JMJD1C: variants seen among roughly 807,000 people sequenced by gnomAD.
The protein encoded by JMJD1C is jumonji domain containing 1C.
JMJD1C carries 31 observed loss-of-function variants against 245.3 expected under a neutral mutation model. The ratio of observed to expected loss-of-function variants is 0.13; its 90% CI spans 0.09 to 0.17. The LOEUF is 0.17. Ranked by LOEUF, JMJD1C falls within the 10% of genes least tolerant of loss-of-function variation. The pLI, the probability that JMJD1C is intolerant of heterozygous loss-of-function variation, is 1.00. For synonymous variants in JMJD1C, 1,057 were observed against 1,017.4 expected, an observed-to-expected ratio of 1.04 and a Z score of -0.74; for missense variants, 2,691 against 3,000.2, an observed-to-expected ratio of 0.90 and a Z score of 2.41.
intron 2 of JMJD1C, among the ~76,000 whole-genome samples, chr10:63,277,731 C>CTTTTTTTTTTTTTTTTTTTTTTTTTTTT (rs35442695): frequency 1.6e-5 from 1 of 64,274 alleles, no homozygotes; most frequent in Non-Finnish European, 2.6e-5. Flanking sequence ...ATTTGCATTT[C>CTTTTTTTTTTTTTTTTTTTTTTTTTTTT]TTTTTTTTTT....
chr10:63,380,591 G>A (rs1288098728), intron 1 of JMJD1C, 109 bp from the exon 2 acceptor site: 1 of 750,646 alleles, frequency 1.3e-6, no homozygotes, highest in Non-Finnish European at 2.1e-6. Flanking sequence ...ATGATATCGT[G>A]ATACATGCAC....
chr10:63,203,521 C>G (rs1846256674), intron 10 of JMJD1C: 1 of 975,704 alleles, frequency 1.0e-6, no homozygotes. Flanking sequence ...TAACTGTGAT[C>G]ATAAACCACT....
At chr10:63,306,091 TA>T in intron 2 of JMJD1C, among the ~76,000 whole-genome samples, 1 of 151,978 alleles carries the variant, frequency 6.6e-6, no homozygotes, top group African/African-American at 2.4e-5. Context: ...TTTTTAATTT[TA>T]TTTTTTTTTA....
chr10:63,182,338 T>C (rs1030718853), intron 22 of JMJD1C, among the ~76,000 whole-genome samples: 2 of 152,214 alleles, frequency 1.3e-5, no homozygotes, highest in Admixed American at 6.5e-5. Context: ...GTGCCATTCA[T>C]TATAGACAGG....
At chr10:63,495,366 C>T (rs1391068141) in intron 1 of JMJD1C, among the ~76,000 whole-genome samples, 4 of 150,360 alleles carry the variant, frequency 2.7e-5, no homozygotes, top group East Asian at 1.9e-4. Flanking sequence ...AGGAGACTAA[C>T]GAACTGAAAT....
rs1303652680 is a variant in JMJD1C at position 63,168,262 on chromosome 10, G to A, written c.7534-128C>T. 4.0e-6 allele frequency: 4 copies of A among 1,001,054 alleles called. No individual in the cohort carries two copies. The East Asian group carries it at 9.6e-5, about 24-fold the overall frequency. The allele number at this position is 1,001,054 out of a possible 1,614,324, so 62.0% of individuals were successfully genotyped here. ...AAATATAAGAAAAATGTTTGAAAGT[G>A]TTAAGCCAAAAGGGACACTATAAAT... On this transcript the variant is annotated intron_variant, in intron 25 of 25. Coordinates refer to ENST00000399262, the MANE Select transcript of JMJD1C (RefSeq NM_032776.3).
In JMJD1C at chr10:63,174,835, A is replaced by AAAAAAAC. The variant is rs1195752299; in HGVS notation, c.7401+1455_7401+1461dup. Among the ~76,000 whole-genome samples, 27 of 150,828 alleles carry AAAAAAAC rather than the reference A, an allele frequency of 1.8e-4. No homozygotes were observed. The East Asian group carries it at 4.1e-3, about 23-fold the overall frequency. ...GGCAACAAGAGCAAGACTCTGTCTCAAAAAAACAAAAAACAAAAAACAAAA... is the reference window on the plus strand; with the variant it reads ...GGCAACAAGAGCAAGACTCTGTCTCAAAAAAACAAAAAACAAAAAACAAAAAACAAAA... On this transcript the variant is annotated intron_variant, in intron 24 of 25. Coordinates refer to ENST00000399262, the MANE Select transcript of JMJD1C (RefSeq NM_032776.3).
intron 1 of JMJD1C, among the ~76,000 whole-genome samples, chr10:63,431,979 T>C (rs561479317): frequency 6.6e-6 from 1 of 152,242 alleles, no homozygotes; most frequent in Admixed American, 6.5e-5. Flanking sequence ...GTCACTGCAC[T>C]CCAGCCTGGC....
chr10:63,401,642 T>C (rs1822487629), intron 1 of JMJD1C, among the ~76,000 whole-genome samples: 1 of 152,192 alleles, frequency 6.6e-6, no homozygotes, highest in Non-Finnish European at 1.5e-5. Flanking sequence ...TACCACCACG[T>C]ACACTTGAAA....
chr10:63,263,984 A>ACT (rs1384521452), intron 3 of JMJD1C, among the ~76,000 whole-genome samples: 8 of 112,662 alleles, frequency 7.1e-5, no homozygotes, highest in Non-Finnish European at 1.0e-4. Context: ...ACACACACAC[A>ACT]CACACACACA....
At chr10:63,293,495 A>G (rs977052329) in intron 2 of JMJD1C, among the ~76,000 whole-genome samples, 2 of 152,192 alleles carry the variant, frequency 1.3e-5, no homozygotes, top group Admixed American at 6.6e-5. Flanking sequence ...TAAATATGTA[A>G]TATTTGTTTT....
At chr10:63,473,995 A>G (rs1953576740) in intron 1 of JMJD1C, among the ~76,000 whole-genome samples, 2 of 152,094 alleles carry the variant, frequency 1.3e-5, no homozygotes, top group Admixed American at 1.3e-4. Context: ...GTGAGCCGAG[A>G]TTGCGCTATT....
chr10:63,240,394 A>G (rs566241534), intron 3 of JMJD1C, among the ~76,000 whole-genome samples: 1 of 152,354 alleles, frequency 6.6e-6, no homozygotes, highest in South Asian at 2.1e-4. Flanking sequence ...CAACAGGAAC[A>G]AAGAATTTCC....
intron 10 of JMJD1C, chr10:63,203,343 G>A (rs1846235793): frequency 1.0e-6 from 1 of 984,128 alleles, no homozygotes; most frequent in Non-Finnish European, 1.2e-6. Flanking sequence ...CTAACTCAAT[G>A]GATACTTCTT....
At chr10:63,303,605 C>T (rs942092808) in intron 2 of JMJD1C, among the ~76,000 whole-genome samples, 1 of 152,136 alleles carries the variant, frequency 6.6e-6, no homozygotes, top group African/African-American at 2.4e-5. Flanking sequence ...CATACCCGGC[C>T]TGCTTGTGCT....
At chr10:63,512,075 T>C (rs1042203288) in intron 1 of JMJD1C, among the ~76,000 whole-genome samples, 3 of 152,214 alleles carry the variant, frequency 2.0e-5, no homozygotes, top group African/African-American at 7.2e-5. Flanking sequence ...ATTCACTCTT[T>C]CATCTGTTGC....
In JMJD1C at chr10:63,432,408, C is replaced by T. The variant is rs139631053; in HGVS notation, c.168+33087G>A. Among the ~76,000 whole-genome samples the T allele has an allele frequency of 2.7e-5, 4 of 148,322 alleles. No homozygotes were observed. In the East Asian group the frequency reaches 6.1e-4, roughly 23 times the overall value. ...ATCATACTTGGTTGTGGTCACTGGA[C>T]TTGTCATCCACCAAGCAAATGAACC... On this transcript the variant is annotated intron_variant, in intron 1 of 25. Coordinates refer to ENST00000399262, the MANE Select transcript of JMJD1C (RefSeq NM_032776.3).
intron 2 of JMJD1C, among the ~76,000 whole-genome samples, chr10:63,344,749 C>T (rs796747668): frequency 4.6e-5 from 7 of 151,358 alleles, no homozygotes; most frequent in African/African-American, 7.3e-5. Flanking sequence ...AAAAAATAGA[C>T]GGTAAAAAAG....
intron 1 of JMJD1C, among the ~76,000 whole-genome samples, chr10:63,396,085 A>C (rs1487762029): frequency 2.0e-5 from 3 of 152,190 alleles, no homozygotes; most frequent in Non-Finnish European, 4.4e-5. Context: ...ATTAAAAACA[A>C]ATTAAATGCA....
Sources: gnomAD v4.1 joint callset for allele counts (sites outside exome capture counted in the v4.1 genomes callset) on GRCh38, gnomAD v4.1.1 for gene constraint, MANE v1.5 for transcripts, NCBI Gene and HGNC (gene_info 2026-07-23, HGNC 2026-07-21) for gene names.